Variants in KIF13B observed in about 807,000 individuals in gnomAD.
The protein encoded by KIF13B is kinesin family member 13B.
Under a neutral mutation model 222.0 loss-of-function variants are expected in KIF13B, and 127 were observed. The ratio of observed to expected loss-of-function variants is 0.57; its 90% CI spans 0.50 to 0.66. The LOEUF is 0.66. Among genes scored for constraint, KIF13B ranks in the 30% least tolerant of loss-of-function variants. KIF13B has a pLI of 0.00. For missense variants in KIF13B, 2,173 were observed against 2,379.0 expected, an observed-to-expected ratio of 0.91 and a Z score of 1.80; for synonymous variants, 976 against 919.0, an observed-to-expected ratio of 1.06 and a Z score of -1.12.
intron 37 of KIF13B, among the ~76,000 whole-genome samples, chr8:29,083,486 G>T (rs1288220184): frequency 1.3e-5 from 2 of 152,160 alleles, no homozygotes; most frequent in East Asian, 3.8e-4. Context: ...TACTGCCTCA[G>T]AAATCCTCTT....
chr8:29,070,483 A>G lies in KIF13B; in HGVS notation c.*21T>C. On this transcript the variant is annotated 3_prime_UTR_variant, in exon 40 of 40. Transcript: ENST00000524189. This position sits in a 1 kb window ranked among gnomAD's most constrained non-coding sequence, Gnocchi z 4.1. ...AAAAGGGGCCGGGCACCCCCAGAAA[A>G]GTTCGCCCTAAGGCAGCGGCTCAGC... is the stretch of plus-strand genomic sequence containing the variant. The G allele has an allele frequency of 3.1e-6, 5 of 1,607,732 alleles. No individual in the cohort carries two copies. The highest frequency in any genetic ancestry group is 4.2e-6 in the Non-Finnish European group (5 of 1,177,574).
intron 10 of KIF13B, among the ~76,000 whole-genome samples, chr8:29,174,341 G>A (rs1266995854): frequency 6.6e-6 from 1 of 151,928 alleles, no homozygotes; most frequent in African/African-American, 2.4e-5. Flanking sequence ...CAGTTTGCTT[G>A]TTTTTCTAAT....
intron 2 of KIF13B, among the ~76,000 whole-genome samples, chr8:29,205,560 G>A (rs1813893100): frequency 6.6e-6 from 1 of 152,090 alleles, no homozygotes; most frequent in Admixed American, 6.6e-5. Context: ...TCGTGTCAGG[G>A]CTATATTACA....
rs201290971 is a variant in KIF13B at position 29,117,022 on chromosome 8, G to A, written c.3661-15C>T. 2,245 of 1,542,436 alleles carry A rather than the reference G, an allele frequency of 1.5e-3. 1 individual carries two copies. Among genetic ancestry groups the A allele is most frequent in the Middle Eastern group, 3.1e-3 (18 of 5,750 alleles). On this transcript the variant is annotated splice_polypyrimidine_tract_variant and intron_variant, in intron 30 of 39. Transcript: ENST00000524189. Reference sequence around the variant, plus strand: ...TCTGCTTTCACCTGGAGAGAAGACAGAGAGGAAACAGGTTTCTCTCTTCTC... The same window carrying A: ...TCTGCTTTCACCTGGAGAGAAGACAAAGAGGAAACAGGTTTCTCTCTTCTC...
intron 1 of KIF13B, among the ~76,000 whole-genome samples, chr8:29,254,697 T>G (rs1478541932): frequency 6.6e-6 from 1 of 152,204 alleles, no homozygotes; most frequent in Non-Finnish European, 1.5e-5. Context: ...TTCATGCATT[T>G]CTATGGGAAT....
chr8:29,072,328 C>G lies in KIF13B; in HGVS notation c.4522-12G>C. ...ATCTCCGGCTGAGCCTGCAGCAGGA[C>G]GGGGAAGCAGGGGCTGAGAACAGAA... is the stretch of plus-strand genomic sequence containing the variant. On this transcript the variant is annotated splice_polypyrimidine_tract_variant and intron_variant, in intron 38 of 39. Transcript: ENST00000524189. The G allele has an allele frequency of 7.2e-7, 1 of 1,392,954 alleles. No homozygotes were observed. The highest frequency in any genetic ancestry group is 1.8e-5 in the South Asian group (1 of 55,702). The allele number at this position is 1,392,954 out of a possible 1,614,324, so 86.3% of individuals were successfully genotyped here. A position where few individuals can be genotyped will look rare whatever the true frequency, so the allele number is the denominator to read the frequency against.
At chr8:29,255,120 C>A (rs766908453) in intron 1 of KIF13B, among the ~76,000 whole-genome samples, 2 of 152,132 alleles carry the variant, frequency 1.3e-5, no homozygotes, top group Non-Finnish European at 2.9e-5. Flanking sequence ...TTAGTGGTTG[C>A]CAGGGGCTGG....
At chr8:29,151,382 T>A (rs1314721271) in intron 14 of KIF13B, among the ~76,000 whole-genome samples, 2 of 152,150 alleles carry the variant, frequency 1.3e-5, no homozygotes, top group Non-Finnish European at 2.9e-5. Context: ...CTGATGAGAT[T>A]TTTGATGTAG....
intron 36 of KIF13B, among the ~76,000 whole-genome samples, chr8:29,097,150 T>C (rs1586770598): frequency 1.3e-5 from 2 of 152,340 alleles, no homozygotes; most frequent in African/African-American, 4.8e-5. Flanking sequence ...GTGCAAACAG[T>C]AAATAAATTT....
intron 18 of KIF13B, among the ~76,000 whole-genome samples, chr8:29,143,700 G>T (rs1475083601): frequency 6.6e-6 from 1 of 152,054 alleles, no homozygotes; most frequent in Non-Finnish European, 1.5e-5. Flanking sequence ...ACAAAAATTA[G>T]CCAGGCATGG....
intron 21 of KIF13B, among the ~76,000 whole-genome samples, chr8:29,137,326 T>C (rs1186134230): frequency 6.6e-6 from 1 of 152,170 alleles, no homozygotes; most frequent in Non-Finnish European, 1.5e-5. Context: ...GCTGTTTGGG[T>C]TTTGTGGGGT....
intron 37 of KIF13B, among the ~76,000 whole-genome samples, chr8:29,089,726 T>C (rs1444674209): frequency 6.6e-6 from 1 of 151,672 alleles, no homozygotes; most frequent in Non-Finnish European, 1.5e-5. Context: ...AAACCCCGTC[T>C]CTACTAAAAA....
At chr8:29,229,963 AAT>A (rs1198345995) in intron 2 of KIF13B, among the ~76,000 whole-genome samples, 1 of 152,224 alleles carries the variant, frequency 6.6e-6, no homozygotes, top group African/African-American at 2.4e-5. Context: ...TATTACTTAA[AAT>A]ATGATGTTTT....
chr8:29,221,515 T>G (rs1219226436), intron 2 of KIF13B, among the ~76,000 whole-genome samples: 1 of 150,264 alleles, frequency 6.7e-6, no homozygotes, highest in Admixed American at 6.6e-5. Context: ...GCACTGAAAC[T>G]AATATAAAAA....
chr8:29,166,067 T>G (rs773961155), intron 11 of KIF13B, among the ~76,000 whole-genome samples: 4 of 152,234 alleles, frequency 2.6e-5, no homozygotes, highest in Non-Finnish European at 5.9e-5. Context: ...GGTTTATCTT[T>G]AAAATCCTAA....
chr8:29,245,306 C>CTTAAACATCCA, intron 2 of KIF13B, 40 bp downstream of exon 2: 1 of 1,395,464 alleles, frequency 7.2e-7, no homozygotes, highest in Non-Finnish European at 1.0e-6. Context: ...CTTCCAGTTA[C>CTTAAACATCCA]TTAAACATCC....
Position 29,126,528 on chromosome 8 carries a change from AT to A in KIF13B, c.3223-18del. 7.2e-7 allele frequency: 1 copy of A among 1,392,590 alleles called. No homozygotes were observed. Among genetic ancestry groups the A allele is most frequent in the Non-Finnish European group, 1.0e-6 (1 of 991,212 alleles). 86.3% of individuals were successfully genotyped at this position (1,392,590 alleles called of 1,614,324 possible). On this transcript the variant is annotated intron_variant, in intron 25 of 39. Transcript: ENST00000524189. ...CTCTTCCTCCTAAAAGAAAATATAC[AT>A]TACAAAGAACTGAATTATTGATTTA...
At chr8:29,234,718 G>A (rs888250573) in intron 2 of KIF13B, among the ~76,000 whole-genome samples, 5 of 146,918 alleles carry the variant, frequency 3.4e-5, no homozygotes, top group African/African-American at 1.3e-4. Flanking sequence ...GAAAGAAAAA[G>A]TAATGTGAGC....
intron 5 of KIF13B, among the ~76,000 whole-genome samples, chr8:29,187,412 T>C (rs1812985268): frequency 6.6e-6 from 1 of 152,108 alleles, no homozygotes; most frequent in Admixed American, 6.5e-5. Flanking sequence ...GCACCTGTAG[T>C]GCCAGCTACT....
Sources: allele counts gnomAD v4.1 joint callset (sites outside exome capture counted in the v4.1 genomes callset), GRCh38; gene constraint gnomAD v4.1.1; non-coding constraint Gnocchi (gnomAD v3.1); transcripts MANE v1.5; gene names NCBI Gene and HGNC (gene_info 2026-07-23, HGNC 2026-07-21).